The following CSRP2 variants were observed in gnomAD, a reference collection of about 807,000 sequenced individuals.
CSRP2 encodes cysteine and glycine-rich protein 2.
CSRP2 carries 18 observed loss-of-function variants against 24.6 expected under a neutral mutation model. The observed-to-expected ratio is 0.73, with a 90% CI of 0.51 to 1.09. CSRP2 has a LOEUF of 1.09. Ranked by LOEUF, CSRP2 falls within the 50% of genes least tolerant of loss-of-function variation. The probability of loss-of-function intolerance (pLI) is 0.00; values close to 1 mark genes in which losing one functional copy is unlikely to be tolerated. For missense variants in CSRP2, 215 were observed against 239.4 expected, an observed-to-expected ratio of 0.90 and a Z score of 0.67; for synonymous variants, 87 against 84.3, an observed-to-expected ratio of 1.03 and a Z score of -0.18.
intron 3 of CSRP2, chr12:76,862,691 C>G: frequency 8.1e-7 from 1 of 1,233,472 alleles, no homozygotes; most frequent in Non-Finnish European, 1.1e-6. Flanking sequence ...CTCAAAGAAT[C>G]AAAAATAAGA....
rs202134808 is a variant in CSRP2, at chr12:76,860,444, A to G, written c.282-31T>C. 8.0e-4 allele frequency: 1,293 copies of G among 1,610,206 alleles called. 1 individual carries two copies. Among genetic ancestry groups the G allele is most frequent in the Non-Finnish European group, 1.0e-3 (1,210 of 1,177,836 alleles). ...GAAAAGAGGAAAAAAAAAGTAGGCA[A>G]GAGTTTCCACAGGGCCCTTTTAAGT... On this transcript the variant is annotated intron_variant, in intron 3 of 5. Coordinates refer to ENST00000311083, the MANE Select transcript of CSRP2 (RefSeq NM_001321.3).
chr12:76,859,662 G>C (rs1565819344), intron 4 of CSRP2, 22 bp from the exon 5 acceptor site: 5 of 1,580,784 alleles, frequency 3.2e-6, no homozygotes, highest in Non-Finnish European at 4.3e-6. Flanking sequence ...GAATGTGTCA[G>C]CATGTTTGAG....
At chr12:76,866,292 C>G in intron 1 of CSRP2, 31 bp from the exon 2 acceptor site, 2 of 1,571,572 alleles carry the variant, frequency 1.3e-6, no homozygotes, top group Non-Finnish European at 1.8e-6. Context: ...TTAGAATGTC[C>G]CTGTGCTGGT....
intron 1 of CSRP2, among the ~76,000 whole-genome samples, chr12:76,871,753 G>A (rs1347894693): frequency 1.7e-5 from 2 of 115,334 alleles, no homozygotes; most frequent in African/African-American, 6.8e-5. Context: ...GAAACTGCAA[G>A]ACTCCGACTC....
chr12:76,863,273 A>G lies in CSRP2; in HGVS notation c.184T>C (p.Tyr62His). 6.2e-7 allele frequency: 1 copy of G among 1,614,250 alleles called. No homozygotes were observed. Among genetic ancestry groups the G allele is most frequent in the Non-Finnish European group, 8.5e-7 (1 of 1,180,052 alleles). The stretch of plus-strand genomic sequence containing the variant: ...CCTTTTGGCCCATACTTCTTTCCGT[A>G]GCAGGATTTGCAGTAGATCTCTTCA... ...HDEEIYCKSCYGKKYGPKGYG... is the reference protein window; with the variant it reads ...HDEEIYCKSCHGKKYGPKGYG... Residue 62 changes from tyrosine (Y) to histidine (H), a missense_variant, in exon 3 of 6, where the codon TAC (tyrosine) becomes CAC (histidine). Transcript: ENST00000311083.
Position 76,866,354 on chromosome 12 carries a change from G to A in CSRP2, c.-1-93C>T, listed in dbSNP as rs141337985. On this transcript the variant is annotated intron_variant, in intron 1 of 5. Transcript: ENST00000311083. ...AGCCCAGGGACAGCTGCAGATTTTC[G>A]TTTCTTTATGAACCTCTCTAACCAC... 154 of 873,488 alleles carry A rather than the reference G, an allele frequency of 1.8e-4. 1 individual carries two copies. The highest frequency in any genetic ancestry group is 1.4e-3 in the East Asian group (53 of 36,952). 54.1% of individuals were successfully genotyped at this position (873,488 alleles called of 1,614,324 possible). A position where few individuals can be genotyped will look rare whatever the true frequency, so the allele number is the denominator to read the frequency against.
chr12:76,877,538 A>G (rs1302616955), intron 1 of CSRP2, among the ~76,000 whole-genome samples: 1 of 152,236 alleles, frequency 6.6e-6, no homozygotes, highest in Non-Finnish European at 1.5e-5. Flanking sequence ...GTACCCAAGC[A>G]AGCACTGTGA....
At chr12:76,866,622 T>C (rs1342851865) in intron 1 of CSRP2, among the ~76,000 whole-genome samples, 1 of 152,166 alleles carries the variant, frequency 6.6e-6, no homozygotes, top group Non-Finnish European at 1.5e-5. Context: ...CTCCCTAATA[T>C]GCCCATTTTT....
At chr12:76,862,847 A>G in intron 3 of CSRP2, 1 of 1,526,938 alleles carries the variant, frequency 6.5e-7, no homozygotes, top group East Asian at 2.5e-5. Context: ...TTCACACAGC[A>G]CATTTCTCTA....
chr12:76,877,656 A>G (rs1953864745), intron 1 of CSRP2, among the ~76,000 whole-genome samples: 1 of 152,212 alleles, frequency 6.6e-6, no homozygotes, highest in East Asian at 1.9e-4. Context: ...AATACTGACA[A>G]AGTATCAGTG....
Position 76,858,995 on chromosome 12 carries a change from A to T in CSRP2, c.539T>A (p.Phe180Tyr), listed in dbSNP as rs767935552. Residue 180 changes from phenylalanine (F) to tyrosine (Y), a missense_variant, in exon 6 of 6, where the codon TTT becomes TAT. By Grantham distance (22) the Phe-to-Tyr change is conservative. Coordinates refer to ENST00000311083, the MANE Select transcript of CSRP2 (RefSeq NM_001321.3). ...CYAKNFGPKG[F>Y]GYGQGAGALV... ...AGCCCCTGCTCCTTGGCCATAGCCA[A>T]ATCCCTTGGGCCCAAAGTTCTTTGC... The T allele has an allele frequency of 1.2e-6, 2 of 1,614,114 alleles. No homozygotes were observed. Among genetic ancestry groups the T allele is most frequent in the African/African-American group, 2.7e-5 (2 of 74,950 alleles).
intron 3 of CSRP2, chr12:76,861,609 AG>A (rs1394574654): frequency 6.6e-6 from 1 of 152,194 alleles, no homozygotes; most frequent in South Asian, 2.1e-4. Context: ...AAAGATAAAA[AG>A]GTAAGCTGGG....
rs766825277 is a variant in CSRP2 at position 76,866,203 on chromosome 12, C to T, written c.58G>A (p.Ala20Thr). 8.1e-6 allele frequency: 13 copies of T among 1,614,140 alleles called. No homozygotes were observed. Among genetic ancestry groups the T allele is most frequent in the Middle Eastern group, 1.6e-4 (1 of 6,062 alleles). The change falls in exon 2 of 6, where the codon GCA becomes ACA. Residue 20 changes from alanine (A) to threonine (T), a missense_variant. Transcript: ENST00000311083. ...CGACGRTVYHAEEVQCDGRSF... is the reference protein window; with the variant it reads ...CGACGRTVYHTEEVQCDGRSF... ...CTGCCATCACACTGCACCTCTTCTGCGTGGTACACGGTCCTCCCACAGGCC... is the reference window on the plus strand; with the variant it reads ...CTGCCATCACACTGCACCTCTTCTGTGTGGTACACGGTCCTCCCACAGGCC...
At chr12:76,871,440 A>T (rs1363523332) in intron 1 of CSRP2, among the ~76,000 whole-genome samples, 3 of 152,254 alleles carry the variant, frequency 2.0e-5, no homozygotes, top group African/African-American at 7.2e-5. Context: ...ACTCCAAAGT[A>T]AAGCAACAGT....
intron 3 of CSRP2, chr12:76,861,633 G>A (rs1373917722): frequency 6.6e-6 from 1 of 152,160 alleles, no homozygotes; most frequent in Non-Finnish European, 1.5e-5. Flanking sequence ...TCATGGCCCA[G>A]AAACTCTGAG....
intron 1 of CSRP2, among the ~76,000 whole-genome samples, chr12:76,869,541 C>CACACAT (rs1953772668): frequency 1.6e-5 from 2 of 124,902 alleles, no homozygotes; most frequent in African/African-American, 6.6e-5. Flanking sequence ...CACACACACA[C>CACACAT]ACACACACAC....
At chr12:76,869,268 G>T (rs913548737) in intron 1 of CSRP2, among the ~76,000 whole-genome samples, 2 of 152,120 alleles carry the variant, frequency 1.3e-5, no homozygotes, top group African/African-American at 4.8e-5. Flanking sequence ...ATCCATTCAA[G>T]AGAGTGGATC....
intron 1 of CSRP2, among the ~76,000 whole-genome samples, chr12:76,875,610 A>G (rs748747501): frequency 2.3e-4 from 35 of 152,162 alleles, no homozygotes; most frequent in Non-Finnish European, 4.7e-4. Flanking sequence ...ACTCTTGTTT[A>G]TTTGCCAAAT....
intron 1 of CSRP2, among the ~76,000 whole-genome samples, chr12:76,871,408 T>C (rs1953795162): frequency 6.6e-6 from 1 of 152,196 alleles, no homozygotes; most frequent in African/African-American, 2.4e-5. Context: ...ATAAACCTTC[T>C]TTTTTGGGGA....
Sources: allele counts gnomAD v4.1 joint callset (sites outside exome capture counted in the v4.1 genomes callset), GRCh38; gene constraint gnomAD v4.1.1; transcripts MANE v1.5; gene names NCBI Gene and HGNC (gene_info 2026-07-23, HGNC 2026-07-21).